Variants in DCTN5 observed in about 807,000 individuals in gnomAD.
The protein encoded by DCTN5 is dynactin subunit 5, also known as dynactin 4.
DCTN5 carries 14 observed loss-of-function variants against 23.5 expected under a neutral mutation model. The ratio of observed to expected loss-of-function variants is 0.60; its 90% CI spans 0.39 to 0.93. The LOEUF is 0.93. Ranked by LOEUF, DCTN5 falls within the 40% of genes least tolerant of loss-of-function variation. The pLI, the probability that DCTN5 is intolerant of heterozygous loss-of-function variation, is 0.00. For missense variants in DCTN5, 156 were observed against 225.9 expected (o/e 0.69, Z 1.98); for synonymous variants, 67 against 79.6 (o/e 0.84, Z 0.84).
intron 2 of DCTN5, among the ~76,000 whole-genome samples, chr16:23,646,608 C>G (rs1405105836): frequency 1.3e-5 from 2 of 151,914 alleles, no homozygotes; most frequent in Admixed American, 1.3e-4. Context: ...CGGAGTTTCC[C>G]TCTTGTCATC....
intron 2 of DCTN5, among the ~76,000 whole-genome samples, chr16:23,645,121 ATATATATATATATATAT>A (rs1414503235): frequency 3.1e-5 from 1 of 32,624 alleles, no homozygotes; most frequent in African/African-American, 1.5e-4. Context: ...ATATATATAT[ATATATATATATATATAT>A]TTTTTTTTTT....
rs1968001371 is a variant in DCTN5, at chr16:23,671,247, T to A, written c.*4103T>A. The A allele has an allele frequency of 1.3e-5, 2 of 152,096 alleles. No individual in the cohort carries two copies. Among genetic ancestry groups the A allele is most frequent in the African/African-American group, 4.8e-5 (2 of 41,390 alleles). The allele number at this position is 152,096 out of a possible 1,614,324, so 9.4% of individuals were successfully genotyped here. A position where few individuals can be genotyped will look rare whatever the true frequency, so the allele number is the denominator to read the frequency against. On this transcript the variant is annotated 3_prime_UTR_variant, in exon 6 of 6. Transcript: ENST00000300087. ...GGGTATTATGATGATTGAAATGCATTTATACATGTAAAGCATAAGTACTGG... is the reference window on the plus strand; with the variant it reads ...GGGTATTATGATGATTGAAATGCATATATACATGTAAAGCATAAGTACTGG...
intron 2 of DCTN5, chr16:23,650,912 G>T: frequency 1.4e-6 from 2 of 1,397,174 alleles, no homozygotes; most frequent in South Asian, 1.2e-5. Context: ...AGCCCAAGCT[G>T]GTTGTTACTG....
Position 23,676,451 on chromosome 16 carries a change from G to A in DCTN5, c.*9307G>A, listed in dbSNP as rs1158252214. 6.6e-6 allele frequency: 1 copy of A among 152,348 alleles called. No homozygotes were observed. The highest frequency in any genetic ancestry group is 1.5e-5 in the Non-Finnish European group (1 of 68,212). 9.4% of individuals were successfully genotyped at this position (152,348 alleles called of 1,614,324 possible). On this transcript the variant is annotated 3_prime_UTR_variant, in exon 6 of 6. Transcript: ENST00000300087. ...GTGCACCTGTAGTCCCAGCTACTCG[G>A]GAGGCTGAGGCAGGAGAATCGCTTG...
intron 2 of DCTN5, chr16:23,650,855 A>G: frequency 6.9e-7 from 1 of 1,445,422 alleles, no homozygotes; most frequent in Non-Finnish European, 9.4e-7. Context: ...GAGTGTGAAC[A>G]ATAGAGAGTG....
chr16:23,642,853 C>CT (rs1967326925), intron 1 of DCTN5, 102 bp from the exon 2 acceptor site: 1 of 1,020,638 alleles, frequency 9.8e-7, no homozygotes, highest in African/African-American at 1.6e-5. Context: ...CAGCACCCCA[C>CT]TTTATGTTTT....
rs1402441193 is a variant in DCTN5, at chr16:23,667,077, C to A, written c.482C>A (p.Thr161Asn). The A allele has an allele frequency of 6.2e-7, 1 of 1,613,608 alleles. No homozygotes were observed. The highest frequency in any genetic ancestry group is 8.5e-7 in the Non-Finnish European group (1 of 1,180,042). Reference sequence around the variant, plus strand: ...TTCTCAGGGGAGCTCCCGGAGTGCACTCAGGAGCTGATGATTGACGTCACC... The same window carrying A: ...TTCTCAGGGGAGCTCCCGGAGTGCAATCAGGAGCTGATGATTGACGTCACC... ...GLFSGELPEC[T>N]QELMIDVTKS... Residue 161 changes from threonine to asparagine, a missense_variant, in exon 6 of 6, where the codon ACT (threonine) becomes AAT (asparagine). Transcript: ENST00000300087.
At position 23,645,091 on chromosome 16, in the gene DCTN5, A is replaced by ATC. The variant is rs1567228223; in HGVS notation, c.117+2069_117+2070insCT. On this transcript the variant is annotated intron_variant, in intron 2 of 5. Coordinates refer to ENST00000300087, the MANE Select transcript of DCTN5 (RefSeq NM_032486.4). ...CACTGCACCCAGCCTAACTATATAT[A>ATC]TATATATATATATATATATATATAT... 7.5e-4 allele frequency among the ~76,000 whole-genome samples: 10 copies of ATC among 13,420 alleles called. 1 individual carries two copies. In the East Asian group the frequency reaches 0.026, roughly 36 times the overall value. The allele number at this position is 13,420 out of a possible 152,430, so 8.8% of individuals were successfully genotyped here.
chr16:23,665,490 C>T (rs1967889243), intron 4 of DCTN5, 136 bp from the exon 5 acceptor site: 2 of 733,576 alleles, frequency 2.7e-6, no homozygotes, highest in East Asian at 5.4e-5. Flanking sequence ...TCAGGTACCA[C>T]CTGAAGCAGG....
rs988573580 is a variant in DCTN5 at position 23,675,587 on chromosome 16, A to G, written c.*8443A>G. The G allele has an allele frequency of 1.3e-5, 2 of 152,188 alleles. No individual in the cohort carries two copies. Among genetic ancestry groups the G allele is most frequent in the Non-Finnish European group, 2.9e-5 (2 of 68,032 alleles). The allele number at this position is 152,188 out of a possible 1,614,324, so 9.4% of individuals were successfully genotyped here. A position where few individuals can be genotyped will look rare whatever the true frequency, so the allele number is the denominator to read the frequency against. On this transcript the variant is annotated 3_prime_UTR_variant, in exon 6 of 6. Coordinates refer to ENST00000300087, the MANE Select transcript of DCTN5 (RefSeq NM_032486.4). Reference sequence around the variant, plus strand: ...CCAGAGGAAAGGCCTAGCTGAGAGTAAGAGATGGTTGAAAAAATGCAATGT... The same window carrying G: ...CCAGAGGAAAGGCCTAGCTGAGAGTGAGAGATGGTTGAAAAAATGCAATGT...
At chr16:23,661,377 T>G (rs1427702565) in intron 4 of DCTN5, 96 bp downstream of exon 4, 2 of 834,172 alleles carry the variant, frequency 2.4e-6, no homozygotes, top group African/African-American at 3.4e-5. Context: ...CTAAGCAGGG[T>G]AGCAGTGGTT....
At chr16:23,656,476 C>T (rs932022980) in intron 2 of DCTN5, among the ~76,000 whole-genome samples, 1 of 151,990 alleles carries the variant, frequency 6.6e-6, no homozygotes, top group African/African-American at 2.4e-5. Context: ...TTTTTTCTCT[C>T]CATGCCATTT....
At chr16:23,647,219 T>G (rs899523580) in intron 2 of DCTN5, among the ~76,000 whole-genome samples, 8 of 151,694 alleles carry the variant, frequency 5.3e-5, no homozygotes, top group Admixed American at 2.0e-4. Flanking sequence ...TGCAACTTCC[T>G]TCTCTCAGGT....
intron 2 of DCTN5, among the ~76,000 whole-genome samples, chr16:23,652,114 G>C (rs1967616662): frequency 6.6e-6 from 1 of 151,960 alleles, no homozygotes; most frequent in South Asian, 2.1e-4. Context: ...TCTTTTTTAT[G>C]AGTACAAGTT....
At chr16:23,658,062 C>A (rs755482405) in intron 2 of DCTN5, among the ~76,000 whole-genome samples, 4 of 152,130 alleles carry the variant, frequency 2.6e-5, no homozygotes, top group Admixed American at 6.6e-5. Flanking sequence ...GGGAGATGAA[C>A]CAGAACTCCA....
Position 23,641,697 on chromosome 16 carries a change from C to T in DCTN5, c.48+107C>T, listed in dbSNP as rs190838578. ...ACCCCACCAACCCCTGTCCCTTTGGCCATTAGTCCCGGATTATCTAGCGAT... is the reference window on the plus strand; with the variant it reads ...ACCCCACCAACCCCTGTCCCTTTGGTCATTAGTCCCGGATTATCTAGCGAT... On this transcript the variant is annotated intron_variant, in intron 1 of 5. Coordinates refer to ENST00000300087, the MANE Select transcript of DCTN5 (RefSeq NM_032486.4). 5.0e-4 allele frequency: 588 copies of T among 1,176,126 alleles called. 4 individuals carry two copies. In the African/African-American group the frequency reaches 7.9e-3, roughly 16 times the overall value. The allele number at this position is 1,176,126 out of a possible 1,614,324, so 72.9% of individuals were successfully genotyped here.
chr16:23,660,028 G>T (rs1307156051), intron 3 of DCTN5, among the ~76,000 whole-genome samples: 9 of 152,200 alleles, frequency 5.9e-5, no homozygotes, highest in Non-Finnish European at 1.5e-5. Context: ...AACATGAATA[G>T]AAGCTAAATG....
intron 2 of DCTN5, among the ~76,000 whole-genome samples, chr16:23,649,623 A>G (rs1967554322): frequency 1.3e-5 from 2 of 152,118 alleles, no homozygotes; most frequent in Admixed American, 1.3e-4. Flanking sequence ...CGGGCGGATC[A>G]CTTGAGGGCA....
chr16:23,667,151 T>C lies in DCTN5; in HGVS notation c.*7T>C. ...GCCCCTGACGCAAGTCTAGCATCTCTGCCTCATGTCTTGAATCTGCTTGAG... is the reference window on the plus strand; with the variant it reads ...GCCCCTGACGCAAGTCTAGCATCTCCGCCTCATGTCTTGAATCTGCTTGAG... On this transcript the variant is annotated 3_prime_UTR_variant, in exon 6 of 6. Coordinates refer to ENST00000300087, the MANE Select transcript of DCTN5 (RefSeq NM_032486.4). 2 of 1,612,196 alleles carry C rather than the reference T, an allele frequency of 1.2e-6. No homozygotes were observed. Among genetic ancestry groups the C allele is most frequent in the Admixed American group, 1.7e-5 (1 of 60,010 alleles).
Sources: gnomAD v4.1 joint callset for allele counts (sites outside exome capture counted in the v4.1 genomes callset) on GRCh38, gnomAD v4.1.1 for gene constraint, MANE v1.5 for transcripts, NCBI Gene and HGNC (gene_info 2026-07-23, HGNC 2026-07-21) for gene names.